ALCAM: variants seen among roughly 807,000 people sequenced by gnomAD.
The protein encoded by ALCAM is activated leukocyte cell adhesion molecule.
In ALCAM, 30 loss-of-function variants were observed where a neutral mutation model predicts 70.9. The observed-to-expected ratio is 0.42, with a 90% CI of 0.32 to 0.57. ALCAM has a LOEUF of 0.57. Ranked by LOEUF, ALCAM falls within the 20% of genes least tolerant of loss-of-function variation. The pLI is 0.11. For missense variants in ALCAM, 591 were observed against 695.1 expected, an observed-to-expected ratio of 0.85 and a Z score of 1.68; for synonymous variants, 249 against 242.5, an observed-to-expected ratio of 1.03 and a Z score of -0.25.
intron 14 of ALCAM, among the ~76,000 whole-genome samples, chr3:105,561,842 C>T (rs970790292): frequency 2.6e-5 from 4 of 152,118 alleles, no homozygotes; most frequent in Admixed American, 1.3e-4. Context: ...ATTCCAAATG[C>T]GAAGTTTCCA....
chr3:105,448,075 T>G (rs972874807), intron 1 of ALCAM, among the ~76,000 whole-genome samples: 1 of 152,172 alleles, frequency 6.6e-6, no homozygotes, highest in Non-Finnish European at 1.5e-5. Flanking sequence ...GGATTATGAT[T>G]TCTAATGGTG....
intron 1 of ALCAM, among the ~76,000 whole-genome samples, chr3:105,382,824 T>C (rs1360338852): frequency 6.6e-6 from 1 of 152,058 alleles, no homozygotes; most frequent in East Asian, 1.9e-4. Flanking sequence ...GAATTCATTG[T>C]AGATTCTGGA....
At chr3:105,476,767 T>A (rs143656863) in intron 1 of ALCAM, among the ~76,000 whole-genome samples, 1 of 152,048 alleles carries the variant, frequency 6.6e-6, no homozygotes, top group African/African-American at 2.4e-5. Context: ...CAAAGACATA[T>A]ACAATTTCTT....
intron 2 of ALCAM, 33 bp downstream of exon 2, chr3:105,520,200 GC>G (rs768982896): frequency 7.1e-7 from 1 of 1,417,608 alleles, no homozygotes; most frequent in Non-Finnish European, 1.0e-6. Flanking sequence ...TTGGTTAATT[GC>G]CCTTGTTCTT....
At chr3:105,397,845 A>G (rs1018513968) in intron 1 of ALCAM, among the ~76,000 whole-genome samples, 2 of 152,134 alleles carry the variant, frequency 1.3e-5, no homozygotes, top group Admixed American at 6.6e-5. Flanking sequence ...ATGTAAAATA[A>G]TGCTTTAGAA....
chr3:105,566,060 G>T (rs554774869), intron 14 of ALCAM, among the ~76,000 whole-genome samples: 1 of 152,290 alleles, frequency 6.6e-6, no homozygotes, highest in South Asian at 2.1e-4. Context: ...AGAGTACTTT[G>T]CTACCTGTTG....
At chr3:105,371,921 A>G (rs1395197743) in intron 1 of ALCAM, among the ~76,000 whole-genome samples, 2 of 152,200 alleles carry the variant, frequency 1.3e-5, no homozygotes, top group African/African-American at 4.8e-5. Flanking sequence ...TTAAGTATTC[A>G]CAGAGGCTAA....
At chr3:105,409,064 T>C (rs1243617557) in intron 1 of ALCAM, among the ~76,000 whole-genome samples, 1 of 152,032 alleles carries the variant, frequency 6.6e-6, no homozygotes, top group African/African-American at 2.4e-5. Context: ...TTGGAATGGA[T>C]GCAGTGAAAA....
intron 1 of ALCAM, among the ~76,000 whole-genome samples, chr3:105,489,976 A>G (rs1175216611): frequency 6.6e-6 from 1 of 152,210 alleles, no homozygotes; most frequent in African/African-American, 2.4e-5. Context: ...AACACTTTAG[A>G]AAGTAGAATT....
intron 6 of ALCAM, among the ~76,000 whole-genome samples, chr3:105,537,663 C>G (rs775217676): frequency 2.0e-5 from 3 of 152,108 alleles, no homozygotes; most frequent in Non-Finnish European, 4.4e-5. Flanking sequence ...GTGTCAAAAC[C>G]CAGCTCCAGG....
chr3:105,436,605 G>T (rs1353038295), intron 1 of ALCAM, among the ~76,000 whole-genome samples: 1 of 152,182 alleles, frequency 6.6e-6, no homozygotes, highest in Non-Finnish European at 1.5e-5. Context: ...GGGATTACAG[G>T]CATGAGCCTG....
intron 1 of ALCAM, among the ~76,000 whole-genome samples, chr3:105,436,470 G>C (rs1168084027): frequency 6.6e-6 from 1 of 152,054 alleles, no homozygotes; most frequent in Non-Finnish European, 1.5e-5. Context: ...TGGGACTATA[G>C]GTGCCTGCCA....
Position 105,547,566 on chromosome 3 carries a change from G to C in ALCAM, c.1374+43G>C, listed in dbSNP as rs757361171. ...TGTTATATGCTGCACTTCGTCCAATGCGTTTTTTTTCCTTCACGAACCTAC... is the reference window on the plus strand; with the variant it reads ...TGTTATATGCTGCACTTCGTCCAATCCGTTTTTTTTCCTTCACGAACCTAC... On this transcript the variant is annotated intron_variant, in intron 11 of 15. Coordinates refer to ENST00000306107, the MANE Select transcript of ALCAM (RefSeq NM_001627.4). The C allele has an allele frequency of 6.3e-6, 10 of 1,589,716 alleles. No individual in the cohort carries two copies. In the East Asian group the frequency reaches 2.2e-4, roughly 36 times the overall value.
chr3:105,476,559 T>C (rs900399027), intron 1 of ALCAM, among the ~76,000 whole-genome samples: 54 of 152,076 alleles, frequency 3.6e-4, no homozygotes, highest in African/African-American at 1.3e-3. Flanking sequence ...CCAGTTAGTA[T>C]ATTTATTCAA....
At position 105,540,119 on chromosome 3, in the gene ALCAM, T is replaced by A; in HGVS notation, c.858+17T>A. ...TACTTACCAGTAAGTGCTTAAGTAT[T>A]ACTTCAGTTGGATGACTATCATTTT... On this transcript the variant is annotated intron_variant, in intron 7 of 15. Transcript: ENST00000306107. 1 of 1,606,832 alleles carries A rather than the reference T, an allele frequency of 6.2e-7. No homozygotes were observed. The highest frequency in any genetic ancestry group is 8.5e-7 in the Non-Finnish European group (1 of 1,174,712).
intron 14 of ALCAM, among the ~76,000 whole-genome samples, chr3:105,556,593 A>G (rs1397472106): frequency 6.6e-6 from 1 of 152,000 alleles, no homozygotes; most frequent in African/African-American, 2.4e-5. Flanking sequence ...AGGGCTAAAG[A>G]GGACTTGCCT....
At chr3:105,381,313 A>C (rs972273752) in intron 1 of ALCAM, among the ~76,000 whole-genome samples, 1 of 152,120 alleles carries the variant, frequency 6.6e-6, no homozygotes, top group Admixed American at 6.6e-5. Context: ...AAGAGAGGCC[A>C]CAGGTTCAGA....
chr3:105,425,546 CAT>C (rs1432777021), intron 1 of ALCAM, among the ~76,000 whole-genome samples: 1 of 151,760 alleles, frequency 6.6e-6, no homozygotes, highest in Admixed American at 6.6e-5. Flanking sequence ...CTGTAAAAAT[CAT>C]ATAATTACTC....
chr3:105,533,933 G>A (rs540757602), intron 5 of ALCAM, among the ~76,000 whole-genome samples: 2 of 152,094 alleles, frequency 1.3e-5, no homozygotes, highest in African/African-American at 4.8e-5. Flanking sequence ...AAATAATTAT[G>A]CAACTCACCA....
Sources: gnomAD v4.1 joint callset for allele counts (sites outside exome capture counted in the v4.1 genomes callset) on GRCh38, gnomAD v4.1.1 for gene constraint, MANE v1.5 for transcripts, NCBI Gene and HGNC (gene_info 2026-07-23, HGNC 2026-07-21) for gene names.